KIF13A: variants seen among roughly 807,000 people sequenced by gnomAD.
The protein encoded by KIF13A is kinesin family member 13A.
Under a neutral mutation model 212.2 loss-of-function variants are expected in KIF13A, and 79 were observed. The observed-to-expected ratio is 0.37, with a 90% CI of 0.31 to 0.45. The LOEUF (loss-of-function observed/expected upper bound fraction) is 0.45, where lower values mean the gene tolerates loss of function less well. KIF13A is among the 20% of genes least tolerant of loss of function. The pLI is 1.00. For missense variants in KIF13A, 1,901 were observed against 2,209.0 expected (o/e 0.86, Z 2.79); for synonymous variants, 789 against 808.6 (o/e 0.98, Z 0.41).
At position 17,985,225 on chromosome 6, in the gene KIF13A, A is replaced by C. The variant is rs1464875991; in HGVS notation, c.146+1829T>G. On this transcript the variant is annotated intron_variant, in intron 2 of 38. Transcript: ENST00000259711. Reference sequence around the variant, plus strand: ...GTACCCATATTTCAATGCTATTTTTATAACTCCAGATAAGGGACTATCGTA... The same window carrying C: ...GTACCCATATTTCAATGCTATTTTTCTAACTCCAGATAAGGGACTATCGTA... Among the ~76,000 whole-genome samples, 15 of 152,208 alleles carry C rather than the reference A, an allele frequency of 9.9e-5. No homozygotes were observed. In the East Asian group the frequency reaches 2.9e-3, roughly 29 times the overall value.
In KIF13A at chr6:17,872,634, TAGAA is replaced by T. The variant is rs1005478683; in HGVS notation, c.220+739_220+742del. Among the ~76,000 whole-genome samples the T allele has an allele frequency of 6.6e-6, 1 of 152,218 alleles. No homozygotes were observed. The highest frequency in any genetic ancestry group is 1.5e-5 in the Non-Finnish European group (1 of 68,044). On this transcript the variant is annotated intron_variant, in intron 4 of 38. Transcript: ENST00000259711. This position sits in a 1 kb window ranked among gnomAD's most constrained non-coding sequence, Gnocchi z 4.7. Reference sequence around the variant, plus strand: ...ATATATGCAACTTTCATTTGCCAGTTAGAAAAATAATTTTTTTTTATTTTTTTGA... The same window carrying T: ...ATATATGCAACTTTCATTTGCCAGTTAAATAATTTTTTTTTATTTTTTTGA...
At chr6:17,795,618 T>C (rs560612290) in intron 23 of KIF13A, among the ~76,000 whole-genome samples, 1 of 151,362 alleles carries the variant, frequency 6.6e-6, no homozygotes, top group South Asian at 2.1e-4. Flanking sequence ...AAAAGAACAT[T>C]GTGTACAATT....
chr6:17,760,207 T>C (rs1162278735), downstream of KIF13A: 1 of 152,010 alleles, frequency 6.6e-6, no homozygotes, highest in Non-Finnish European at 1.5e-5. Context: ...TTGTCTTATG[T>C]AAGTTCTTTG....
In KIF13A at chr6:17,943,160, A is replaced by T. The variant is rs960265718; in HGVS notation, c.146+43894T>A. 3.3e-5 allele frequency among the ~76,000 whole-genome samples: 5 copies of T among 152,166 alleles called. No individual in the cohort carries two copies. The East Asian group carries it at 9.6e-4, about 29-fold the overall frequency. On this transcript the variant is annotated intron_variant, in intron 2 of 38. Transcript: ENST00000259711. ...ACATTTCCTTGAGAATGGTCTGCTG[A>T]ATGGAGTTCTGGTTGTTTTTCTATG...
Position 17,963,378 on chromosome 6 carries a change from G to A in KIF13A, c.146+23676C>T, listed in dbSNP as rs1315498403. 2.0e-5 allele frequency among the ~76,000 whole-genome samples: 3 copies of A among 152,034 alleles called. No homozygotes were observed. The highest frequency in any genetic ancestry group is 6.6e-5 in the Admixed American group (1 of 15,258). Reference sequence around the variant, plus strand: ...GGCTGCAGTGAGCTAAGATCGTGCCGTTGCACTCTAGCCTGGGCAACAAGA... The same window carrying A: ...GGCTGCAGTGAGCTAAGATCGTGCCATTGCACTCTAGCCTGGGCAACAAGA... On this transcript the variant is annotated intron_variant, in intron 2 of 38. Transcript: ENST00000259711. This position sits in a 1 kb window ranked among gnomAD's most constrained non-coding sequence, Gnocchi z 4.1.
chr6:17,859,638 A>ATATATATATATATTTTTTTTTTTTTT (rs1461455926), intron 4 of KIF13A, among the ~76,000 whole-genome samples: 1 of 111,858 alleles, frequency 8.9e-6, no homozygotes, highest in African/African-American at 3.5e-5. Context: ...ATATATATAT[A>ATATATATATATATTTTTTTTTTTTTT]TTTTTTTTTT....
At chr6:17,762,213 A>AT (rs34052352), downstream of KIF13A, among the ~76,000 whole-genome samples, 59,198 of 138,790 alleles carry the variant, frequency 0.43, 13,458 homozygotes, top group South Asian at 0.52. Flanking sequence ...GTGAATTTGA[A>AT]TTTTTTTTTT....
intron 2 of KIF13A, among the ~76,000 whole-genome samples, chr6:17,921,180 C>CCTCT: frequency 6.6e-6 from 1 of 152,150 alleles, no homozygotes; most frequent in Non-Finnish European, 1.5e-5. Flanking sequence ...TTAATGCCTG[C>CCTCT]CTCTATAAGC....
At chr6:17,879,455 G>A (rs187605783) in intron 3 of KIF13A, among the ~76,000 whole-genome samples, 9 of 152,284 alleles carry the variant, frequency 5.9e-5, no homozygotes, top group African/African-American at 2.2e-4. Flanking sequence ...TATATTTTTA[G>A]ATGTTTCATT....
At position 17,828,673 on chromosome 6, in the gene KIF13A, G is replaced by C. The variant is rs1471842531; in HGVS notation, c.1402-303C>G. On this transcript the variant is annotated intron_variant, in intron 13 of 38. Coordinates refer to ENST00000259711, the MANE Select transcript of KIF13A (RefSeq NM_022113.6). The surrounding 1 kb of genome is among the most constrained non-coding windows in gnomAD (Gnocchi z 4.3). ...TGAGTTTCAATTGTGACTTGACCACGGGGAAGCCATTTCACTCTCTGAGCC... is the reference window on the plus strand; with the variant it reads ...TGAGTTTCAATTGTGACTTGACCACCGGGAAGCCATTTCACTCTCTGAGCC... Among the ~76,000 whole-genome samples, 1 of 152,112 alleles carries C rather than the reference G, an allele frequency of 6.6e-6. No homozygotes were observed. Among genetic ancestry groups the C allele is most frequent in the Non-Finnish European group, 1.5e-5 (1 of 68,026 alleles).
intron 3 of KIF13A, among the ~76,000 whole-genome samples, chr6:17,891,746 C>T (rs1023178995): frequency 6.6e-6 from 1 of 152,078 alleles, no homozygotes; most frequent in African/African-American, 2.4e-5. Flanking sequence ...ACTCCAGCCT[C>T]GGTGAGACCC....
At position 17,787,047 on chromosome 6, in the gene KIF13A, C is replaced by T. The variant is rs1366196363; in HGVS notation, c.3361+729G>A. 6.6e-6 allele frequency among the ~76,000 whole-genome samples: 1 copy of T among 152,198 alleles called. No individual in the cohort carries two copies. Among genetic ancestry groups the T allele is most frequent in the African/African-American group, 2.4e-5 (1 of 41,436 alleles). Reference sequence around the variant, plus strand: ...GCAGTGAATAGAGTTGTAGGGGCCACCCTGAACCAGCGGAGTGCATGGCAA... The same window carrying T: ...GCAGTGAATAGAGTTGTAGGGGCCATCCTGAACCAGCGGAGTGCATGGCAA... On this transcript the variant is annotated intron_variant, in intron 27 of 38. Coordinates refer to ENST00000259711, the MANE Select transcript of KIF13A (RefSeq NM_022113.6). This position sits in a 1 kb window ranked among gnomAD's most constrained non-coding sequence, Gnocchi z 4.6.
In KIF13A at chr6:17,811,107, TTCTCTCTGCTGGTCAAAC is replaced by T. The variant is rs2150347109; in HGVS notation, c.2001-2195_2001-2178del. Among the ~76,000 whole-genome samples, 1 of 152,316 alleles carries T rather than the reference TTCTCTCTGCTGGTCAAAC, an allele frequency of 6.6e-6. No individual in the cohort carries two copies. The highest frequency in any genetic ancestry group is 2.1e-4 in the South Asian group (1 of 4,822). The stretch of plus-strand genomic sequence containing the variant: ...GCCCACCCAAAATGTCCTTCTTACT[TTCTCTCTGCTGGTCAAAC>T]TCTACCTCTCAAATGCACTTGAAAT... On this transcript the variant is annotated intron_variant, in intron 17 of 38. Coordinates refer to ENST00000259711, the MANE Select transcript of KIF13A (RefSeq NM_022113.6). This position sits in a 1 kb window ranked among gnomAD's most constrained non-coding sequence, Gnocchi z 6.0.
intron 3 of KIF13A, among the ~76,000 whole-genome samples, chr6:17,875,437 ACTG>A: frequency 6.7e-6 from 1 of 150,012 alleles, no homozygotes; most frequent in East Asian, 2.0e-4. Flanking sequence ...CTCCCATCAA[ACTG>A]CTGTTTTTTC....
chr6:17,932,568 T>C (rs1776084670), intron 2 of KIF13A, among the ~76,000 whole-genome samples: 3 of 152,212 alleles, frequency 2.0e-5, no homozygotes. Flanking sequence ...CTTGCTTTTG[T>C]TTTCCAACAT....
At chr6:17,765,482 G>A (rs942719791) in intron 38 of KIF13A, among the ~76,000 whole-genome samples, 1 of 152,080 alleles carries the variant, frequency 6.6e-6, no homozygotes, top group Non-Finnish European at 1.5e-5. Flanking sequence ...CTGCAAAAGG[G>A]CAAAAAACAC....
At position 17,787,917 on chromosome 6, in the gene KIF13A, GACA is replaced by G. The variant is rs778357225; in HGVS notation, c.3262-45_3262-43del. 3 of 1,031,924 alleles carry G rather than the reference GACA, an allele frequency of 2.9e-6. No homozygotes were observed. Among genetic ancestry groups the G allele is most frequent in the Non-Finnish European group, 4.5e-6 (3 of 671,656 alleles). 63.9% of individuals were successfully genotyped at this position (1,031,924 alleles called of 1,614,324 possible). A position where few individuals can be genotyped will look rare whatever the true frequency, so the allele number is the denominator to read the frequency against. ...AAAATATTTTCCTGTAGACTGCACAGACAACGATTTCTTTCTTTCTTTTTTTAA... is the reference window on the plus strand; with the variant it reads ...AAAATATTTTCCTGTAGACTGCACAGACGATTTCTTTCTTTCTTTTTTTAA... On this transcript the variant is annotated intron_variant, in intron 26 of 38. Transcript: ENST00000259711. This position sits in a 1 kb window ranked among gnomAD's most constrained non-coding sequence, Gnocchi z 4.6.
At chr6:17,814,152 C>T (rs537874755) in intron 17 of KIF13A, among the ~76,000 whole-genome samples, 14 of 151,548 alleles carry the variant, frequency 9.2e-5, no homozygotes, top group Admixed American at 2.0e-4. Flanking sequence ...GGGGTTTCAC[C>T]TTGTTAGCCA....
In KIF13A at chr6:17,850,693, T is replaced by C. The variant is rs1980736; in HGVS notation, c.583-236A>G. On this transcript the variant is annotated intron_variant, in intron 7 of 38. Coordinates refer to ENST00000259711, the MANE Select transcript of KIF13A (RefSeq NM_022113.6). This position sits in a 1 kb window ranked among gnomAD's most constrained non-coding sequence, Gnocchi z 6.2. ...TTTCCCAATTGTCTTCTTTCTCAGT[T>C]GAGTCCCTATTTTCTCCTTTTTGGG... is the stretch of plus-strand genomic sequence containing the variant. Among the ~76,000 whole-genome samples the C allele has an allele frequency of 0.037, 5,706 of 152,280 alleles. 207 individuals carry two copies. Among genetic ancestry groups the C allele is most frequent in the East Asian group, 0.18 (934 of 5,168 alleles).
Sources: gnomAD v4.1 joint callset for allele counts (sites outside exome capture counted in the v4.1 genomes callset) on GRCh38, gnomAD v4.1.1 for gene constraint, Gnocchi (gnomAD v3.1) non-coding constraint, MANE v1.5 for transcripts, NCBI Gene and HGNC (gene_info 2026-07-23, HGNC 2026-07-21) for gene names.